Variants in B3GALT1 observed in about 807,000 individuals in gnomAD.
B3GALT1 encodes beta-1,3-galactosyltransferase 1, also known as UDP-Gal:betaGlcNAc beta 1,3-galactosyltransferase, polypeptide 1.
Under a neutral mutation model 23.2 loss-of-function variants are expected in B3GALT1, and 10 were observed. The ratio of observed to expected loss-of-function variants is 0.43; its 90% CI spans 0.27 to 0.73. The LOEUF (loss-of-function observed/expected upper bound fraction) is 0.73. B3GALT1 is among the 30% of genes least tolerant of loss of function. The probability of loss-of-function intolerance (pLI) is 0.21; values close to 1 mark genes in which losing one functional copy is unlikely to be tolerated. For synonymous variants in B3GALT1, 156 were observed against 141.5 expected (o/e 1.10, Z -0.73); for missense variants, 299 against 405.4 (o/e 0.74, Z 2.25).
At chr2:167,763,104 G>A (rs1044818736) in intron 3 of B3GALT1, among the ~76,000 whole-genome samples, 1 of 152,158 alleles carries the variant, frequency 6.6e-6, no homozygotes, top group Non-Finnish European at 1.5e-5. Context: ...AAATTATTAA[G>A]TGTTTTTATT....
Position 167,407,972 on chromosome 2 carries a change from A to G in B3GALT1, c.-510-82205A>G, listed in dbSNP as rs1237402882. 3.3e-5 allele frequency among the ~76,000 whole-genome samples: 5 copies of G among 151,566 alleles called. 1 individual carries two copies. ...AAGGTGAGGCAATACTTTAAAACTC[A>G]TTTTATGAGGCCAGCATTACCCTGA... On this transcript the variant is annotated intron_variant, in intron 1 of 4. Transcript: ENST00000392690.
intron 1 of B3GALT1, among the ~76,000 whole-genome samples, chr2:167,326,518 C>T (rs1009236589): frequency 2.0e-5 from 3 of 151,908 alleles, no homozygotes; most frequent in African/African-American, 7.2e-5. Context: ...AGACCAATGT[C>T]CTGAAGAGGT....
At chr2:167,673,549 T>C (rs1686369717) in intron 3 of B3GALT1, among the ~76,000 whole-genome samples, 1 of 152,102 alleles carries the variant, frequency 6.6e-6, no homozygotes, top group Admixed American at 6.6e-5. Flanking sequence ...TCCAAGCACT[T>C]AGGGATATAC....
chr2:167,655,496 T>C (rs1268173165), intron 3 of B3GALT1, among the ~76,000 whole-genome samples: 1 of 152,188 alleles, frequency 6.6e-6, no homozygotes, highest in Non-Finnish European at 1.5e-5. Flanking sequence ...TCTTGTTACA[T>C]GTACATATAA....
intron 3 of B3GALT1, among the ~76,000 whole-genome samples, chr2:167,651,617 C>G (rs1685871399): frequency 1.3e-5 from 2 of 152,066 alleles, no homozygotes; most frequent in South Asian, 4.1e-4. Context: ...TGCCATGTAT[C>G]CATTATGTTG....
intron 1 of B3GALT1, among the ~76,000 whole-genome samples, chr2:167,395,590 T>C (rs1698080791): frequency 6.6e-6 from 1 of 152,088 alleles, no homozygotes; most frequent in Non-Finnish European, 1.5e-5. Context: ...ACTTCCAGAA[T>C]TCTAAGATAA....
intron 1 of B3GALT1, among the ~76,000 whole-genome samples, chr2:167,410,560 A>T (rs1055081086): frequency 2.6e-5 from 4 of 151,602 alleles, no homozygotes; most frequent in Non-Finnish European, 5.9e-5. Flanking sequence ...AGGGAGAGGA[A>T]TATCACACAC....
intron 1 of B3GALT1, among the ~76,000 whole-genome samples, chr2:167,298,596 C>A (rs1047242157): frequency 6.6e-6 from 1 of 152,030 alleles, no homozygotes; most frequent in African/African-American, 2.4e-5. Flanking sequence ...ACTCTATATA[C>A]ATATATTTAT....
chr2:167,467,144 G>A (rs1457420781), intron 1 of B3GALT1, among the ~76,000 whole-genome samples: 1 of 151,886 alleles, frequency 6.6e-6, no homozygotes, highest in Non-Finnish European at 1.5e-5. Flanking sequence ...CAGCAGGGTA[G>A]GAGACATTCA....
chr2:167,468,394 A>G (rs1401018830), intron 1 of B3GALT1, among the ~76,000 whole-genome samples: 1 of 152,216 alleles, frequency 6.6e-6, no homozygotes, highest in African/African-American at 2.4e-5. Context: ...TATTCCAATC[A>G]TGGAAGATTA....
intron 1 of B3GALT1, among the ~76,000 whole-genome samples, chr2:167,326,808 G>A (rs749169088): frequency 2.0e-5 from 3 of 152,042 alleles, no homozygotes; most frequent in Admixed American, 2.0e-4. Flanking sequence ...TCATGCCTCA[G>A]CCTCCTGAGT....
chr2:167,492,283 G>T (rs906918446), intron 2 of B3GALT1, among the ~76,000 whole-genome samples: 2 of 152,138 alleles, frequency 1.3e-5, no homozygotes, highest in African/African-American at 2.4e-5. Context: ...TGCTTTTAAG[G>T]TTCATCTATG....
rs1243849211 is a variant in B3GALT1 at position 167,589,849 on chromosome 2, AT to A, written c.-409-57059del. Among the ~76,000 whole-genome samples, 3 of 152,150 alleles carry A rather than the reference AT, an allele frequency of 2.0e-5. No homozygotes were observed. The East Asian group carries it at 5.8e-4, about 29-fold the overall frequency. ...TATTTCATTAGTATTGACAGTTATA[AT>A]GCTTTGAATAATAAGAAGCTCAGCA... On this transcript the variant is annotated intron_variant, in intron 2 of 4. Transcript: ENST00000392690.
At chr2:167,729,316 A>C (rs925797295) in intron 3 of B3GALT1, among the ~76,000 whole-genome samples, 1 of 152,210 alleles carries the variant, frequency 6.6e-6, no homozygotes, top group African/African-American at 2.4e-5. Flanking sequence ...AATTTACCCT[A>C]GGGATTCACC....
intron 2 of B3GALT1, among the ~76,000 whole-genome samples, chr2:167,623,608 G>T (rs115862836): frequency 2.0e-5 from 3 of 152,006 alleles, no homozygotes; most frequent in Admixed American, 1.3e-4. Context: ...GTCAGGGAGT[G>T]GGGGGCAAGG....
rs561547031 is a variant in B3GALT1, at chr2:167,543,011, T to C, written c.-410+52734T>C. Among the ~76,000 whole-genome samples the C allele has an allele frequency of 1.1e-4, 17 of 152,222 alleles. 1 individual carries two copies. The highest frequency in any genetic ancestry group is 3.4e-4 in the African/African-American group (14 of 41,558). On this transcript the variant is annotated intron_variant, in intron 2 of 4. Transcript: ENST00000392690. ...ATGAGATTTCCTAATTAAACATTAA[T>C]AATAAGAAATTAGAGGGACTGAAAA...
chr2:167,801,105 C>G (rs1029772755), intron 3 of B3GALT1, among the ~76,000 whole-genome samples: 1 of 152,194 alleles, frequency 6.6e-6, no homozygotes, highest in Non-Finnish European at 1.5e-5. Flanking sequence ...AAAACAGGCT[C>G]TTGGCTAGAA....
rs182808017 is a variant in B3GALT1, at chr2:167,499,554, C to A, written c.-410+9277C>A. On this transcript the variant is annotated intron_variant, in intron 2 of 4. Transcript: ENST00000392690. ...CTATATTTGATGGCAAATCTGGCAA[C>A]ACTAGAAGTGGTTACCTAAAATTAA... is the stretch of plus-strand genomic sequence containing the variant. 2.4e-3 allele frequency among the ~76,000 whole-genome samples: 371 copies of A among 152,236 alleles called. 1 individual carries two copies. The highest frequency in any genetic ancestry group is 0.014 in the Middle Eastern group (4 of 294).
intron 3 of B3GALT1, among the ~76,000 whole-genome samples, chr2:167,717,577 A>G (rs1687171859): frequency 6.6e-6 from 1 of 152,140 alleles, no homozygotes; most frequent in East Asian, 1.9e-4. Flanking sequence ...TGGTTGCAAC[A>G]TAATATTCTA....
Sources: allele counts gnomAD v4.1 joint callset (sites outside exome capture counted in the v4.1 genomes callset), GRCh38; gene constraint gnomAD v4.1.1; transcripts MANE v1.5; gene names NCBI Gene and HGNC (gene_info 2026-07-23, HGNC 2026-07-21).